TENM3: variants seen among roughly 807,000 people sequenced by gnomAD.
The protein encoded by TENM3 is teneurin-3.
A neutral mutation model predicts 255.1 loss-of-function variants in TENM3; 63 were observed. The ratio of observed to expected loss-of-function variants is 0.25; its 90% CI spans 0.20 to 0.30. The LOEUF (loss-of-function observed/expected upper bound fraction) is 0.30. TENM3 is among the 10% of genes least tolerant of loss of function. The probability of loss-of-function intolerance (pLI) is 1.00; values close to 1 mark genes in which losing one functional copy is unlikely to be tolerated. For missense variants in TENM3, 2,929 were observed against 3,461.1 expected, an observed-to-expected ratio of 0.85 and a Z score of 3.86; for synonymous variants, 1,306 against 1,322.3, an observed-to-expected ratio of 0.99 and a Z score of 0.27.
the TENM3 span, among the ~76,000 whole-genome samples, chr4:182,073,000 C>G: frequency 1.3e-5 from 2 of 152,070 alleles, no homozygotes; most frequent in African/African-American, 4.8e-5. Context: ...ACCAGAGGCC[C>G]AAAGGTCAGG....
chr4:181,529,189 G>A, the TENM3 span, among the ~76,000 whole-genome samples: 3 of 152,126 alleles, frequency 2.0e-5, no homozygotes, highest in South Asian at 2.1e-4. Context: ...TTAGTGCAGT[G>A]GAGCTTCTGC....
chr4:181,583,830 A>G, the TENM3 span, among the ~76,000 whole-genome samples: 2 of 152,216 alleles, frequency 1.3e-5, no homozygotes, highest in Non-Finnish European at 1.5e-5. Context: ...TACCTCTAAG[A>G]TAGACTTAAT....
chr4:181,457,866 G>T, the TENM3 span, among the ~76,000 whole-genome samples: 58 of 151,880 alleles, frequency 3.8e-4, no homozygotes, highest in African/African-American at 1.4e-3. Context: ...CAGATTCTAG[G>T]TGTGAATTTC....
intron 12 of TENM3, among the ~76,000 whole-genome samples, chr4:182,713,801 GA>G (rs1758938463): frequency 6.6e-6 from 1 of 152,144 alleles, no homozygotes; most frequent in Non-Finnish European, 1.5e-5. Context: ...TGGCTAAAGG[GA>G]AAAAATTTAA....
chr4:181,795,680 C>A, the TENM3 span, among the ~76,000 whole-genome samples: 1 of 152,154 alleles, frequency 6.6e-6, no homozygotes, highest in African/African-American at 2.4e-5. Flanking sequence ...ACTGATAACT[C>A]AAAAGACAAT....
chr4:182,275,899 C>A (rs1579986876), intron 1 of TENM3, among the ~76,000 whole-genome samples: 2 of 152,282 alleles, frequency 1.3e-5, no homozygotes, highest in Admixed American at 6.5e-5. Context: ...CATGATCATG[C>A]CACTGCACTC....
chr4:182,666,052 C>T (rs899694764), intron 6 of TENM3, among the ~76,000 whole-genome samples: 5 of 151,914 alleles, frequency 3.3e-5, no homozygotes, highest in Admixed American at 6.6e-5. Context: ...ACTTCAATGG[C>T]GGAAGTAACT....
At chr4:182,553,322 T>A (rs2151942423) in intron 3 of TENM3, among the ~76,000 whole-genome samples, 1 of 138,214 alleles carries the variant, frequency 7.2e-6, no homozygotes, top group African/African-American at 2.7e-5. Flanking sequence ...TAGGTGGGAA[T>A]TGAACAATGA....
At chr4:182,351,532 C>G (rs17239484) in intron 3 of TENM3, among the ~76,000 whole-genome samples, 31,623 of 152,048 alleles carry the variant, frequency 0.21, 3,501 homozygotes, top group South Asian at 0.37. Flanking sequence ...CAGCTGCCTG[C>G]CGAGTTCTGG....
the TENM3 span, among the ~76,000 whole-genome samples, chr4:181,657,846 G>T: frequency 6.6e-5 from 10 of 152,184 alleles, no homozygotes; most frequent in Admixed American, 2.0e-4. Context: ...AACGTGGGTG[G>T]AACCGGAGGC....
the TENM3 span, among the ~76,000 whole-genome samples, chr4:181,519,034 A>T: frequency 0.21 from 31,220 of 152,146 alleles, 4,145 homozygotes; most frequent in Non-Finnish European, 0.3. Context: ...CTGGTGAGTA[A>T]CAAAAAAAAT....
chr4:182,676,031 ACTGTTT>A (rs1309928489), intron 7 of TENM3, among the ~76,000 whole-genome samples: 1 of 152,258 alleles, frequency 6.6e-6, no homozygotes, highest in Non-Finnish European at 1.5e-5. Context: ...AGAGCAAACA[ACTGTTT>A]CTGAGTTCAG....
chr4:182,662,704 A>G (rs1420576824), intron 6 of TENM3, among the ~76,000 whole-genome samples: 2 of 152,152 alleles, frequency 1.3e-5, no homozygotes, highest in African/African-American at 4.8e-5. Context: ...GGACATGATG[A>G]AAGACTTCTG....
chr4:182,538,231 TCCC>T lies in TENM3; in HGVS notation c.512-62692_512-62690del, dbSNP rs1560891485. Among the ~76,000 whole-genome samples the T allele has an allele frequency of 8.5e-5, 13 of 152,242 alleles. 1 individual carries two copies. The highest frequency in any genetic ancestry group is 3.4e-3 in the Middle Eastern group (1 of 294). Reference sequence around the variant, plus strand: ...TGTTATTAACAATTATTTATGGAGTTCCCAGAGGCACAAGGCATTTGGCTAAAT... The same window carrying T: ...TGTTATTAACAATTATTTATGGAGTTAGAGGCACAAGGCATTTGGCTAAAT... On this transcript the variant is annotated intron_variant, in intron 3 of 27. Coordinates refer to ENST00000511685, the MANE Select transcript of TENM3 (RefSeq NM_001080477.4).
chr4:182,196,213 A>G (rs1753825703), intron 1 of TENM3, among the ~76,000 whole-genome samples: 1 of 152,036 alleles, frequency 6.6e-6, no homozygotes, highest in Non-Finnish European at 1.5e-5. Flanking sequence ...CCTGCCTACC[A>G]TTTCCCCGGA....
chr4:182,004,629 A>C, the TENM3 span, among the ~76,000 whole-genome samples: 1 of 152,158 alleles, frequency 6.6e-6, no homozygotes, highest in South Asian at 2.1e-4. Flanking sequence ...TTCTGGTTCT[A>C]AATCCTTGAG....
chr4:182,586,189 C>G (rs986116619), intron 3 of TENM3, among the ~76,000 whole-genome samples: 2 of 152,106 alleles, frequency 1.3e-5, no homozygotes, highest in Non-Finnish European at 1.5e-5. Flanking sequence ...CCCAAGAGTT[C>G]GAGGTTGCAG....
chr4:182,591,628 G>A (rs979058631), intron 3 of TENM3, among the ~76,000 whole-genome samples: 1 of 152,116 alleles, frequency 6.6e-6, no homozygotes, highest in Non-Finnish European at 1.5e-5. Flanking sequence ...TTTTTACACA[G>A]TACTGTATTT....
chr4:181,749,404 A>C, the TENM3 span, among the ~76,000 whole-genome samples: 1 of 152,132 alleles, frequency 6.6e-6, no homozygotes, highest in African/African-American at 2.4e-5. Context: ...TACCGTTTTG[A>C]AGGTCCTCTT....
Sources: allele counts gnomAD v4.1 joint callset (sites outside exome capture counted in the v4.1 genomes callset), GRCh38; gene constraint gnomAD v4.1.1; transcripts MANE v1.5; gene names NCBI Gene and HGNC (gene_info 2026-07-23, HGNC 2026-07-21).